The following STAMBP variants were observed in gnomAD, a reference collection of about 807,000 sequenced individuals.
STAMBP encodes STAM-binding protein.
A neutral mutation model predicts 50.7 loss-of-function variants in STAMBP; 31 were observed. The ratio of observed to expected loss-of-function variants is 0.61; its 90% CI spans 0.46 to 0.83. The LOEUF is 0.83. Ranked by LOEUF, STAMBP falls within the 40% of genes least tolerant of loss-of-function variation. The pLI is 0.00. For synonymous variants in STAMBP, 211 were observed against 192.4 expected (o/e 1.10, Z -0.80); for missense variants, 472 against 518.9 (o/e 0.91, Z 0.88).
At position 73,849,496 on chromosome 2, in the gene STAMBP, A is replaced by T. The variant is rs775063414; in HGVS notation, c.867+9A>T. 3.3e-6 allele frequency: 5 copies of T among 1,510,140 alleles called. No individual in the cohort carries two copies. The African/African-American group carries it at 6.0e-5, about 18-fold the overall frequency. 93.5% of individuals were successfully genotyped at this position (1,510,140 alleles called of 1,614,324 possible). A position where few individuals can be genotyped will look rare whatever the true frequency, so the allele number is the denominator to read the frequency against. On this transcript the variant is annotated intron_variant, in intron 6 of 9. Transcript: ENST00000394070. ...TTCTCTGTGGAAAACTGGTAAAAAGAAAAAAAAAACCAAACTCTTCTCTGA... is the reference window on the plus strand; with the variant it reads ...TTCTCTGTGGAAAACTGGTAAAAAGTAAAAAAAAACCAAACTCTTCTCTGA...
intron 2 of STAMBP, among the ~76,000 whole-genome samples, chr2:73,836,344 C>G (rs1421576569): frequency 6.6e-6 from 1 of 152,220 alleles, no homozygotes; most frequent in Non-Finnish European, 1.5e-5. Flanking sequence ...TTGCAGGGCT[C>G]TCCTGCAGGC....
chr2:73,848,782 T>TCAAACCACAGC, intron 5 of STAMBP, among the ~76,000 whole-genome samples: 1 of 152,342 alleles, frequency 6.6e-6, no homozygotes, highest in East Asian at 1.9e-4. Flanking sequence ...GGAGACACAG[T>TCAAACCACAGC]CAAACCACAG....
chr2:73,832,074 G>T (rs945689856), intron 2 of STAMBP, among the ~76,000 whole-genome samples: 2 of 98,106 alleles, frequency 2.0e-5, no homozygotes, highest in Non-Finnish European at 2.0e-5. Context: ...ACTGATTTTT[G>T]AGTAGGTAAC....
intron 7 of STAMBP, among the ~76,000 whole-genome samples, chr2:73,854,570 G>A (rs1677305275): frequency 6.6e-6 from 1 of 152,038 alleles, no homozygotes; most frequent in South Asian, 2.1e-4. Context: ...TGAGCTCCTG[G>A]GCCCAAGTGA....
chr2:73,868,651 A>G (rs1007086837), downstream of STAMBP, among the ~76,000 whole-genome samples: 5 of 152,136 alleles, frequency 3.3e-5, no homozygotes, highest in African/African-American at 1.2e-4. Context: ...TGGGAGGCTG[A>G]GGTGGGCGGA....
intron 2 of STAMBP, among the ~76,000 whole-genome samples, chr2:73,834,299 T>C (rs1674455781): frequency 8.8e-6 from 1 of 113,558 alleles, no homozygotes; most frequent in Non-Finnish European, 1.7e-5. Context: ...AGTTTTTGAC[T>C]CCCCAGAAAC....
intron 9 of STAMBP, among the ~76,000 whole-genome samples, chr2:73,861,134 T>G (rs1363114987): frequency 2.6e-5 from 4 of 152,194 alleles, no homozygotes; most frequent in African/African-American, 7.2e-5. Context: ...GCCCATGTTT[T>G]CAGTTATAAA....
rs1678431547 is a variant in STAMBP, at chr2:73,862,316, C to T, written c.*57C>T. 1 of 1,487,996 alleles carries T rather than the reference C, an allele frequency of 6.7e-7. No homozygotes were observed. Among genetic ancestry groups the T allele is most frequent in the African/African-American group, 1.4e-5 (1 of 70,322 alleles). The allele number at this position is 1,487,996 out of a possible 1,614,324, so 92.2% of individuals were successfully genotyped here. On this transcript the variant is annotated 3_prime_UTR_variant, in exon 10 of 10. Coordinates refer to ENST00000394070, the MANE Select transcript of STAMBP (RefSeq NM_213622.4). ...AAAACCATATCAGTGTACTGTAGCC[C>T]CTTAATTTAAGCTTTCTAGAAAGCT... is the stretch of plus-strand genomic sequence containing the variant.
chr2:73,848,362 T>C (rs1477021720), intron 5 of STAMBP, among the ~76,000 whole-genome samples: 2 of 152,190 alleles, frequency 1.3e-5, no homozygotes, highest in Non-Finnish European at 2.9e-5. Context: ...TTTAACTTCT[T>C]CCAGAAGAGT....
downstream of STAMBP, among the ~76,000 whole-genome samples, chr2:73,867,468 T>C (rs1159872507): frequency 6.6e-6 from 1 of 151,938 alleles, no homozygotes; most frequent in Non-Finnish European, 1.5e-5. Context: ...CGCTTGAACC[T>C]GGGAAGTGGA....
chr2:73,843,406 G>GTGTATATATATATA (rs1458780751), intron 2 of STAMBP, among the ~76,000 whole-genome samples: 6 of 129,960 alleles, frequency 4.6e-5, no homozygotes, highest in African/African-American at 2.0e-4. Context: ...GTTTGTGTAT[G>GTGTATATATATATA]TATATATATA....
chr2:73,843,406 G>GTGTATATATATA (rs1458780751), intron 2 of STAMBP, among the ~76,000 whole-genome samples: 2 of 129,960 alleles, frequency 1.5e-5, no homozygotes, highest in African/African-American at 6.7e-5. Flanking sequence ...GTTTGTGTAT[G>GTGTATATATATA]TATATATATA....
downstream of STAMBP, among the ~76,000 whole-genome samples, chr2:73,869,066 G>C (rs1015962837): frequency 6.6e-6 from 1 of 152,198 alleles, no homozygotes; most frequent in Non-Finnish European, 1.5e-5. Flanking sequence ...GCAGGATAAA[G>C]AGTATACTAC....
Position 73,844,734 on chromosome 2 carries a change from A to G in STAMBP, c.204-79A>G, listed in dbSNP as rs950119665. 8 of 1,218,278 alleles carry G rather than the reference A, an allele frequency of 6.6e-6. No individual in the cohort carries two copies. The African/African-American group carries it at 9.1e-5, about 14-fold the overall frequency. The allele number at this position is 1,218,278 out of a possible 1,614,324, so 75.5% of individuals were successfully genotyped here. The stretch of plus-strand genomic sequence containing the variant: ...GAACCTTTCATATAAGGGCTTCAGG[A>G]TAAGGGGGTTGCATAGCTTTAGGGT... On this transcript the variant is annotated intron_variant, in intron 2 of 9. Coordinates refer to ENST00000394070, the MANE Select transcript of STAMBP (RefSeq NM_213622.4).
At chr2:73,839,392 A>G (rs984148914) in intron 2 of STAMBP, among the ~76,000 whole-genome samples, 1 of 152,234 alleles carries the variant, frequency 6.6e-6, no homozygotes, top group East Asian at 1.9e-4. Flanking sequence ...GAGTGAGAGT[A>G]TTCAGGCAAT....
In STAMBP at chr2:73,845,151, CTGTTTTG is replaced by C. The variant is rs1675899416; in HGVS notation, c.280-12_280-6del. On this transcript the variant is annotated splice_polypyrimidine_tract_variant and intron_variant, in intron 3 of 9. Transcript: ENST00000394070. ...TCTGGCATTGTTCTAATTCTATTTTCTGTTTTGTGTCTCAGAAATTAAAGGAGATTGC... is the reference window on the plus strand; with the variant it reads ...TCTGGCATTGTTCTAATTCTATTTTCTGTCTCAGAAATTAAAGGAGATTGC... 5.6e-6 allele frequency: 9 copies of C among 1,611,366 alleles called. No individual in the cohort carries two copies. Among genetic ancestry groups the C allele is most frequent in the Non-Finnish European group, 7.6e-6 (9 of 1,178,488 alleles).
chr2:73,838,372 G>A (rs888280068), intron 2 of STAMBP, among the ~76,000 whole-genome samples: 17 of 152,136 alleles, frequency 1.1e-4, no homozygotes, highest in Non-Finnish European at 2.2e-4. Flanking sequence ...TGCCAACCCC[G>A]GTATAGACAA....
At chr2:73,835,782 G>A (rs1409345312) in intron 2 of STAMBP, among the ~76,000 whole-genome samples, 2 of 152,126 alleles carry the variant, frequency 1.3e-5, no homozygotes, top group African/African-American at 2.4e-5. Flanking sequence ...GGTAGCGGGG[G>A]AATTTAACCG....
downstream of STAMBP, chr2:73,867,263 C>CA (rs1452343299): frequency 6.6e-6 from 1 of 152,166 alleles, no homozygotes; most frequent in African/African-American, 2.4e-5. Flanking sequence ...TAAAAATTAA[C>CA]AATCAGCCGG....
Sources: allele counts gnomAD v4.1 joint callset (sites outside exome capture counted in the v4.1 genomes callset), GRCh38; gene constraint gnomAD v4.1.1; transcripts MANE v1.5; gene names NCBI Gene and HGNC (gene_info 2026-07-23, HGNC 2026-07-21).